ATAD2B: variants seen among roughly 807,000 people sequenced by gnomAD.
ATAD2B encodes the protein ATPase family AAA domain containing 2B.
ATAD2B carries 40 observed loss-of-function variants against 167.6 expected under a neutral mutation model. The observed-to-expected ratio is 0.24, with a 90% confidence interval of 0.19 to 0.31. The LOEUF (loss-of-function observed/expected upper bound fraction) is 0.31. Among genes scored for constraint, ATAD2B ranks in the 10% least tolerant of loss-of-function variants. The pLI, the probability that ATAD2B is intolerant of heterozygous loss-of-function variation, is 1.00. For missense variants in ATAD2B, 1,242 were observed against 1,757.2 expected (o/e 0.71, Z 5.24); for synonymous variants, 579 against 596.5 (o/e 0.97, Z 0.43).
intron 1 of ATAD2B, among the ~76,000 whole-genome samples, chr2:23,920,138 G>A (rs1703691564): frequency 7.1e-6 from 1 of 140,352 alleles, no homozygotes; most frequent in African/African-American, 2.7e-5. Flanking sequence ...GCAACAGAGA[G>A]AGACTCTGCC....
the ATAD2B span, among the ~76,000 whole-genome samples, chr2:23,737,833 C>T: frequency 3.3e-5 from 5 of 152,230 alleles, no homozygotes; most frequent in Admixed American, 2.0e-4. Flanking sequence ...ACTAGAATAA[C>T]CAATGCAGAG....
intron 12 of ATAD2B, among the ~76,000 whole-genome samples, chr2:23,863,081 C>T (rs1374411825): frequency 6.6e-6 from 1 of 152,076 alleles, no homozygotes; most frequent in Admixed American, 6.6e-5. Flanking sequence ...TCTCAGCAGG[C>T]AGATTGCTTG....
intron 22 of ATAD2B, among the ~76,000 whole-genome samples, chr2:23,780,950 T>A (rs1679933620): frequency 6.6e-6 from 1 of 152,120 alleles, no homozygotes; most frequent in African/African-American, 2.4e-5. Context: ...TATCTTTAGA[T>A]AACAAAAACT....
intron 24 of ATAD2B, among the ~76,000 whole-genome samples, chr2:23,760,576 T>C (rs1212030341): frequency 2.6e-5 from 4 of 151,580 alleles, no homozygotes; most frequent in Non-Finnish European, 4.4e-5. Context: ...GGTGGGAGAA[T>C]TGCTTGAACC....
At chr2:23,785,990 G>C in intron 21 of ATAD2B, 37 bp downstream of exon 21, 1 of 1,524,806 alleles carries the variant, frequency 6.6e-7, no homozygotes, top group South Asian at 1.3e-5. Context: ...CTTTTAGCCA[G>C]TTCAACTTCA....
intron 15 of ATAD2B, among the ~76,000 whole-genome samples, chr2:23,827,190 T>C (rs1441777250): frequency 1.3e-5 from 2 of 151,678 alleles, no homozygotes; most frequent in South Asian, 2.1e-4. Context: ...AGGAAGAAAA[T>C]GGTATATAAG....
chr2:23,830,227 G>A (rs1025289020), intron 14 of ATAD2B, among the ~76,000 whole-genome samples: 29 of 151,958 alleles, frequency 1.9e-4, no homozygotes, highest in East Asian at 3.9e-4. Context: ...CAACTGTTCC[G>A]CCCACCTCAG....
rs1167381567 is a variant in ATAD2B, at chr2:23,926,987, G to A, written c.-217C>T. 9 of 553,452 alleles carry A rather than the reference G, an allele frequency of 1.6e-5. No homozygotes were observed. The highest frequency in any genetic ancestry group is 4.7e-4 in the Middle Eastern group (1 of 2,118). 34.3% of individuals were successfully genotyped at this position (553,452 alleles called of 1,614,324 possible). A position where few individuals can be genotyped will look rare whatever the true frequency, so the allele number is the denominator to read the frequency against. ...TGCGGGAAGCGGGGGCGGTGCTGCA[G>A]ACCGGCAGCACAGACACTCCGCCGG... On this transcript the variant is annotated 5_prime_UTR_variant, in exon 1 of 28. Coordinates refer to ENST00000238789, the MANE Select transcript of ATAD2B (RefSeq NM_017552.4).
chr2:23,780,616 C>T (rs1413714198), intron 22 of ATAD2B, among the ~76,000 whole-genome samples: 3 of 152,012 alleles, frequency 2.0e-5, no homozygotes, highest in African/African-American at 7.3e-5. Flanking sequence ...AAACAAAGCA[C>T]AGGCCAGGCG....
chr2:23,794,263 G>A (rs1682257914), intron 19 of ATAD2B, among the ~76,000 whole-genome samples: 1 of 152,236 alleles, frequency 6.6e-6, no homozygotes, highest in African/African-American at 2.4e-5. Context: ...GCTTGCCTCA[G>A]CCTTTCAAAG....
the ATAD2B span, among the ~76,000 whole-genome samples, chr2:23,687,753 G>GC: frequency 6.6e-6 from 1 of 152,202 alleles, no homozygotes; most frequent in Non-Finnish European, 1.5e-5. Flanking sequence ...AGGTCGAAAG[G>GC]CGGGAGGGGG....
Position 23,798,249 on chromosome 2 carries a change from G to A in ATAD2B, c.2529C>T (p.Val843=). The A allele has an allele frequency of 6.2e-7, 1 of 1,612,536 alleles. No homozygotes were observed. The highest frequency in any genetic ancestry group is 8.5e-7 in the Non-Finnish European group (1 of 1,178,924). The change falls in exon 19 of 28, where the codon GTC becomes GTT. Residue 843 remains valine, a synonymous_variant. Coordinates refer to ENST00000238789, the MANE Select transcript of ATAD2B (RefSeq NM_017552.4). ...MPHIGDWWEA[V]SETVRATFLT... is the part of the protein sequence containing the mutation. Reference sequence around the variant, plus strand: ...GAAAAGTTGCTCTCACAGTTTCACTGACAGCTTCCCACCAATCCCCAATGT... The same window carrying A: ...GAAAAGTTGCTCTCACAGTTTCACTAACAGCTTCCCACCAATCCCCAATGT...
intron 1 of ATAD2B, among the ~76,000 whole-genome samples, chr2:23,923,604 C>G (rs1573479870): frequency 6.6e-6 from 1 of 151,622 alleles, no homozygotes; most frequent in East Asian, 1.9e-4. Flanking sequence ...ATACTTATCT[C>G]CAAACTCACA....
chr2:23,805,221 G>A (rs767429575), intron 18 of ATAD2B, among the ~76,000 whole-genome samples: 11 of 151,494 alleles, frequency 7.3e-5, no homozygotes, highest in Non-Finnish European at 1.3e-4. Flanking sequence ...GCTTGATACA[G>A]TCAAATAAAA....
chr2:23,890,757 A>G (rs1445231400), intron 2 of ATAD2B, among the ~76,000 whole-genome samples: 1 of 152,190 alleles, frequency 6.6e-6, no homozygotes, highest in Non-Finnish European at 1.5e-5. Flanking sequence ...AAGAAATCTA[A>G]AACTTTTCAG....
At chr2:23,875,998 T>C (rs1200109224) in intron 7 of ATAD2B, 94 bp from the exon 8 acceptor site, 50 of 980,754 alleles carry the variant, frequency 5.1e-5, no homozygotes, top group Non-Finnish European at 7.3e-5. Flanking sequence ...CACTTTTTTG[T>C]TGTTGTTGTT....
downstream of ATAD2B, among the ~76,000 whole-genome samples, chr2:23,745,351 T>G (rs1229385545): frequency 2.9e-5 from 2 of 69,884 alleles, no homozygotes; most frequent in African/African-American, 1.1e-4. Context: ...CAGAGAGGGA[T>G]GGAAGGAAGG....
the ATAD2B span, among the ~76,000 whole-genome samples, chr2:23,727,661 C>G: frequency 6.6e-6 from 1 of 152,042 alleles, no homozygotes; most frequent in Non-Finnish European, 1.5e-5. Flanking sequence ...TGGAAGCAAC[C>G]AAGATATGCT....
At chr2:23,737,473 T>G in the ATAD2B span, among the ~76,000 whole-genome samples, 1 of 152,180 alleles carries the variant, frequency 6.6e-6, no homozygotes, top group Non-Finnish European at 1.5e-5. Flanking sequence ...CCAACAGACC[T>G]GCAGCTGAGG....
Sources: allele counts gnomAD v4.1 joint callset (sites outside exome capture counted in the v4.1 genomes callset), GRCh38; gene constraint gnomAD v4.1.1; transcripts MANE v1.5; gene names NCBI Gene and HGNC (gene_info 2026-07-23, HGNC 2026-07-21).